Variants in RORB observed in about 807,000 individuals in gnomAD.
RORB encodes the protein nuclear receptor ROR-beta.
A neutral mutation model predicts 59.1 loss-of-function variants in RORB; 6 were observed. That is an observed-to-expected ratio of 0.10 (90% CI 0.06 to 0.20). The LOEUF (loss-of-function observed/expected upper bound fraction) is 0.20, where lower values mean the gene tolerates loss of function less well. Among genes scored for constraint, RORB ranks in the 10% least tolerant of loss-of-function variants. The pLI is 1.00. For synonymous variants in RORB, 215 were observed against 204.5 expected, an observed-to-expected ratio of 1.05 and a Z score of -0.44; for missense variants, 320 against 560.5, an observed-to-expected ratio of 0.57 and a Z score of 4.33.
At chr9:74,593,237 C>T (rs1289676380) in intron 1 of RORB, among the ~76,000 whole-genome samples, 2 of 151,968 alleles carry the variant, frequency 1.3e-5, no homozygotes, top group Admixed American at 6.6e-5. Flanking sequence ...GAGGCCAAGG[C>T]GGGTGGATCA....
At chr9:74,551,177 A>G (rs778918197) in intron 1 of RORB, among the ~76,000 whole-genome samples, 12 of 152,230 alleles carry the variant, frequency 7.9e-5, no homozygotes, top group East Asian at 1.9e-4. Context: ...GAGGGGGGAT[A>G]TATTCCAAGA....
intron 1 of RORB, among the ~76,000 whole-genome samples, chr9:74,566,405 G>A (rs1822468716): frequency 6.6e-6 from 1 of 151,492 alleles, no homozygotes; most frequent in African/African-American, 2.4e-5. Context: ...TTTGTTAGTT[G>A]TATTAGTTGT....
chr9:74,660,536 A>G, intron 4 of RORB, 81 bp from the exon 5 acceptor site: 1 of 1,326,368 alleles, frequency 7.5e-7, no homozygotes, highest in Non-Finnish European at 1.0e-6. Context: ...TCCAAAAGGC[A>G]TTCTTATAGT....
intron 1 of RORB, among the ~76,000 whole-genome samples, chr9:74,594,266 G>A (rs1822941380): frequency 6.6e-6 from 1 of 152,176 alleles, no homozygotes; most frequent in Non-Finnish European, 1.5e-5. Context: ...AGCTGTGCAT[G>A]TATGAACACT....
At chr9:74,569,426 T>A (rs570270656) in intron 1 of RORB, among the ~76,000 whole-genome samples, 7 of 152,238 alleles carry the variant, frequency 4.6e-5, no homozygotes, top group African/African-American at 1.7e-4. Flanking sequence ...GCTATTTTGT[T>A]GTGAAAGTTC....
chr9:74,660,944 AG>A (rs543073281), intron 5 of RORB, among the ~76,000 whole-genome samples: 14 of 152,310 alleles, frequency 9.2e-5, no homozygotes, highest in African/African-American at 3.4e-4. Flanking sequence ...AAATGTCTCC[AG>A]ATACTGCCAA....
chr9:74,514,923 C>T (rs1825987397), intron 1 of RORB, among the ~76,000 whole-genome samples: 1 of 151,292 alleles, frequency 6.6e-6, no homozygotes, highest in Non-Finnish European at 1.5e-5. Context: ...AATTAATTAA[C>T]CCTCAAGTAT....
At chr9:74,584,152 C>T (rs1280856795) in intron 1 of RORB, among the ~76,000 whole-genome samples, 1 of 152,190 alleles carries the variant, frequency 6.6e-6, no homozygotes, top group Non-Finnish European at 1.5e-5. Flanking sequence ...TACTGGTAGG[C>T]TCAGTGCAGC....
chr9:74,586,231 C>G (rs1822797047), intron 1 of RORB, among the ~76,000 whole-genome samples: 1 of 152,152 alleles, frequency 6.6e-6, no homozygotes, highest in African/African-American at 2.4e-5. Context: ...GGTGCAGTCG[C>G]TCATGCCTGT....
intron 1 of RORB, among the ~76,000 whole-genome samples, chr9:74,593,466 T>A (rs1422065329): frequency 1.1e-4 from 14 of 124,790 alleles, no homozygotes; most frequent in African/African-American, 2.7e-4. Context: ...AAACTCCATC[T>A]AAAAAAAAAA....
chr9:74,568,470 G>A (rs1822500097), intron 1 of RORB, among the ~76,000 whole-genome samples: 1 of 151,980 alleles, frequency 6.6e-6, no homozygotes, highest in East Asian at 1.9e-4. Context: ...GGGAGGCCGA[G>A]GTGGGTGGAT....
At chr9:74,557,069 A>C (rs1294872444) in intron 1 of RORB, among the ~76,000 whole-genome samples, 1 of 151,758 alleles carries the variant, frequency 6.6e-6, no homozygotes, top group Non-Finnish European at 1.5e-5. Context: ...TTCTTCCAGG[A>C]GCAAACTCTT....
chr9:74,575,021 A>C (rs1368917080), intron 1 of RORB, among the ~76,000 whole-genome samples: 1 of 152,114 alleles, frequency 6.6e-6, no homozygotes, highest in East Asian at 1.9e-4. Flanking sequence ...TAAGAAATTG[A>C]AGTTACATAA....
intron 1 of RORB, among the ~76,000 whole-genome samples, chr9:74,536,046 C>T (rs549135996): frequency 4.1e-4 from 62 of 152,002 alleles, no homozygotes; most frequent in African/African-American, 1.1e-3. Context: ...AAATTTATTA[C>T]GAAGTCTCAT....
chr9:74,504,177 G>T (rs1356203447), intron 1 of RORB, among the ~76,000 whole-genome samples: 1 of 151,946 alleles, frequency 6.6e-6, no homozygotes, highest in Admixed American at 6.6e-5. Context: ...TATCTGAGGA[G>T]CAAGAATTAT....
intron 1 of RORB, among the ~76,000 whole-genome samples, chr9:74,500,187 G>T (rs1341086909): frequency 1.3e-5 from 2 of 152,178 alleles, no homozygotes; most frequent in African/African-American, 4.8e-5. Context: ...CTCTCAGGCG[G>T]CCTTAGGGGA....
Position 74,687,769 on chromosome 9 carries a change from A to G in RORB, c.*2151A>G, listed in dbSNP as rs1379672698. ...TTCTAATGGAAAGATTACTCTACTG[A>G]TTGCTAGGAAAACAGGGTAATGGAA... is the stretch of plus-strand genomic sequence containing the variant. On this transcript the variant is annotated 3_prime_UTR_variant, in exon 10 of 10. Transcript: ENST00000376896. 6.6e-6 allele frequency: 1 copy of G among 152,162 alleles called. No individual in the cohort carries two copies. Among genetic ancestry groups the G allele is most frequent in the East Asian group, 1.9e-4 (1 of 5,188 alleles). The allele number at this position is 152,162 out of a possible 1,614,324, so 9.4% of individuals were successfully genotyped here.
chr9:74,639,513 TA>T (rs879417522), intron 3 of RORB, among the ~76,000 whole-genome samples: 3,495 of 145,924 alleles, frequency 0.024, 67 homozygotes, highest in African/African-American at 0.05. Context: ...AAAAGGGTTT[TA>T]AAAAAAAAAA....
intron 1 of RORB, among the ~76,000 whole-genome samples, chr9:74,544,573 T>C (rs1587352180): frequency 6.6e-6 from 1 of 152,312 alleles, no homozygotes; most frequent in East Asian, 1.9e-4. Context: ...ACTCCCTTCT[T>C]GCCTATTCTT....
Sources: allele counts gnomAD v4.1 joint callset (sites outside exome capture counted in the v4.1 genomes callset), GRCh38; gene constraint gnomAD v4.1.1; transcripts MANE v1.5; gene names NCBI Gene and HGNC (gene_info 2026-07-23, HGNC 2026-07-21).